The following LLGL2 variants were observed in gnomAD, a reference collection of about 807,000 sequenced individuals.
The protein encoded by LLGL2 is LLGL2, scribble cell polarity complex component.
A neutral mutation model predicts 123.2 loss-of-function variants in LLGL2; 81 were observed. The observed-to-expected ratio is 0.66, with a 90% confidence interval of 0.55 to 0.79. The LOEUF (loss-of-function observed/expected upper bound fraction) is 0.79, where lower values mean the gene tolerates loss of function less well. Among genes scored for constraint, LLGL2 ranks in the 30% least tolerant of loss-of-function variants. The pLI, the probability that LLGL2 is intolerant of heterozygous loss-of-function variation, is 0.00. For synonymous variants in LLGL2, 577 were observed against 594.1 expected, an observed-to-expected ratio of 0.97 and a Z score of 0.42; for missense variants, 1,273 against 1,414.6, an observed-to-expected ratio of 0.90 and a Z score of 1.61.
At chr17:75,554,867 C>T (rs370162566) in intron 2 of LLGL2, among the ~76,000 whole-genome samples, 33 of 143,322 alleles carry the variant, frequency 2.3e-4, no homozygotes, top group African/African-American at 7.5e-4. Context: ...CCAGCCTGGG[C>T]GACAGCGCAA....
At chr17:75,562,631 C>T (rs1201436188) in intron 6 of LLGL2, 8 of 231,098 alleles carry the variant, frequency 3.5e-5, no homozygotes, top group South Asian at 1.3e-4. Context: ...TGCAGTGGCA[C>T]GATCTCGGCT....
At position 75,564,628 on chromosome 17, in the gene LLGL2, C is replaced by A; in HGVS notation, c.1036+121C>A. 1 of 1,497,958 alleles carries A rather than the reference C, an allele frequency of 6.7e-7. No individual in the cohort carries two copies. The highest frequency in any genetic ancestry group is 1.4e-5 in the African/African-American group (1 of 72,508). 92.8% of individuals were successfully genotyped at this position (1,497,958 alleles called of 1,614,324 possible). A position where few individuals can be genotyped will look rare whatever the true frequency, so the allele number is the denominator to read the frequency against. ...CTGTAACCCCAGTGCTGTGGGAGGC[C>A]AAGGTGGTAGGATCGCTTGAACCCA... On this transcript the variant is annotated intron_variant, in intron 10 of 25. Transcript: ENST00000392550. The surrounding 1 kb of genome is among the most constrained non-coding windows in gnomAD (Gnocchi z 4.9).
chr17:75,531,658 C>T (rs1191547001), intron 1 of LLGL2, among the ~76,000 whole-genome samples: 3 of 152,218 alleles, frequency 2.0e-5, no homozygotes, highest in African/African-American at 4.8e-5. Context: ...GGGCAGGAGA[C>T]GGGCGTCCCC....
At chr17:75,554,270 C>T (rs111406685) in intron 2 of LLGL2, among the ~76,000 whole-genome samples, 2,420 of 147,634 alleles carry the variant, frequency 0.016, 65 homozygotes, top group African/African-American at 0.058. Flanking sequence ...CCATTGCACT[C>T]CAGGCTGGGT....
intron 17 of LLGL2, 46 bp from the exon 18 acceptor site, chr17:75,571,621 G>T (rs368384635): frequency 4.1e-6 from 6 of 1,447,822 alleles, no homozygotes; most frequent in Non-Finnish European, 5.8e-6. Flanking sequence ...AGCTCCACCC[G>T]ACTCCCACGC....
At chr17:75,533,034 C>G (rs893797140) in intron 1 of LLGL2, among the ~76,000 whole-genome samples, 3 of 152,104 alleles carry the variant, frequency 2.0e-5, no homozygotes, top group South Asian at 2.1e-4. Flanking sequence ...GAGTCTTGCT[C>G]TGTCGCCCAG....
In LLGL2 at chr17:75,558,654, C is replaced by T. The variant is rs765061795; in HGVS notation, c.371+27C>T. On this transcript the variant is annotated intron_variant, in intron 5 of 25. Coordinates refer to ENST00000392550, the MANE Select transcript of LLGL2 (RefSeq NM_001031803.2). The surrounding 1 kb of genome is among the most constrained non-coding windows in gnomAD (Gnocchi z 4.0). ...TAAGGGCTCAATCCCCAGCCCCTTC[C>T]ACTCCCAGCCCAGCCTGACCCTTGC... 3.7e-5 allele frequency: 56 copies of T among 1,528,392 alleles called. No homozygotes were observed. The highest frequency in any genetic ancestry group is 4.9e-5 in the Non-Finnish European group (55 of 1,121,994). The allele number at this position is 1,528,392 out of a possible 1,614,324, so 94.7% of individuals were successfully genotyped here. A position where few individuals can be genotyped will look rare whatever the true frequency, so the allele number is the denominator to read the frequency against.
At chr17:75,527,722 C>T (rs1012334387) in intron 1 of LLGL2, among the ~76,000 whole-genome samples, 6 of 151,920 alleles carry the variant, frequency 3.9e-5, no homozygotes, top group Non-Finnish European at 7.4e-5. Flanking sequence ...ACACTTCAGC[C>T]TCCCAAAGCG....
intron 17 of LLGL2, 59 bp from the exon 18 acceptor site, chr17:75,571,608 C>A: frequency 7.6e-7 from 1 of 1,324,290 alleles, no homozygotes; most frequent in South Asian, 1.2e-5. Context: ...ACCCTGGTTG[C>A]CCAGCTCCAC....
intron 14 of LLGL2, 40 bp from the exon 15 acceptor site, chr17:75,569,922 CT>C: frequency 6.5e-7 from 1 of 1,544,396 alleles, no homozygotes; most frequent in Non-Finnish European, 8.7e-7. Context: ...CCTGCCGTCC[CT>C]TTGCTGAGGG....
rs2055552077 is a variant in LLGL2, at chr17:75,568,670, C to T, written c.1231C>T (p.Gln411Ter). The T allele has an allele frequency of 1.9e-6, 3 of 1,613,802 alleles. No homozygotes were observed. The highest frequency in any genetic ancestry group is 1.7e-6 in the Non-Finnish European group (2 of 1,180,000). ...GCGGATCATTGCCGCCGGCAGCCGGCAGAACGCACACTTCTCCACCATGGT... is the reference window on the plus strand; with the variant it reads ...GCGGATCATTGCCGCCGGCAGCCGGTAGAACGCACACTTCTCCACCATGGT... ...WERIIAAGSR[Q>*]NAHFSTMEWP... The change falls in exon 11 of 26, where the codon CAG becomes TAG. Residue 411 changes from glutamine to a stop codon, truncating the protein, a stop_gained. Coordinates refer to ENST00000392550, the MANE Select transcript of LLGL2 (RefSeq NM_001031803.2). LOFTEE classifies it high-confidence loss of function.
intron 20 of LLGL2, 53 bp downstream of exon 20, chr17:75,573,331 G>A: frequency 6.4e-7 from 1 of 1,564,926 alleles, no homozygotes; most frequent in Non-Finnish European, 8.7e-7. Context: ...GCACGGACGG[G>A]AAGGGTGGCC....
chr17:75,550,430 C>A (rs979305576), intron 2 of LLGL2, among the ~76,000 whole-genome samples: 2 of 149,728 alleles, frequency 1.3e-5, no homozygotes, highest in African/African-American at 4.9e-5. Flanking sequence ...GGAAGCTAAG[C>A]CTTACAAGGC....
At chr17:75,526,487 G>GA in intron 1 of LLGL2, among the ~76,000 whole-genome samples, 1 of 152,352 alleles carries the variant, frequency 6.6e-6, no homozygotes, top group Middle Eastern at 3.4e-3. Context: ...TCTTGCCAAA[G>GA]AAAGTGTGTC....
rs766813617 is a variant in LLGL2, at chr17:75,571,892, C to T, written c.2294-6C>T. The T allele has an allele frequency of 1.1e-5, 18 of 1,611,606 alleles. No individual in the cohort carries two copies. Among genetic ancestry groups the T allele is most frequent in the Admixed American group, 6.7e-5 (4 of 59,990 alleles). On this transcript the variant is annotated splice_region_variant and splice_polypyrimidine_tract_variant and intron_variant, in intron 18 of 25. Coordinates refer to ENST00000392550, the MANE Select transcript of LLGL2 (RefSeq NM_001031803.2). ...ACCAGCCCCAACACCCACCTCCTCC[C>T]CCTAGCCAAGGAGATCCAGCTGATG...
upstream of LLGL2, among the ~76,000 whole-genome samples, chr17:75,525,372 C>T (rs1000159107): frequency 6.6e-6 from 1 of 152,096 alleles, no homozygotes; most frequent in East Asian, 1.9e-4. The surrounding 1 kb of genome is among the most constrained non-coding windows in gnomAD (Gnocchi z 4.8). Context: ...GACGGCTCCC[C>T]TGGAGTCTGG....
At chr17:75,553,749 A>G (rs1396760943) in intron 2 of LLGL2, among the ~76,000 whole-genome samples, 1 of 152,154 alleles carries the variant, frequency 6.6e-6, no homozygotes, top group Admixed American at 6.5e-5. Context: ...AAGAAACTGA[A>G]CTAAAAACCT....
In LLGL2 at chr17:75,564,331, G is replaced by A; in HGVS notation, c.882-22G>A. The A allele has an allele frequency of 6.3e-7, 1 of 1,589,928 alleles. No individual in the cohort carries two copies. The highest frequency in any genetic ancestry group is 1.1e-5 in the South Asian group (1 of 88,932). On this transcript the variant is annotated intron_variant, in intron 9 of 25. Coordinates refer to ENST00000392550, the MANE Select transcript of LLGL2 (RefSeq NM_001031803.2). This position sits in a 1 kb window ranked among gnomAD's most constrained non-coding sequence, Gnocchi z 4.9. ...GCTGTGCCAGGAGCCCCAGCCCACTGCCGCTCCTCTGTGCCTGCCAGGTTG... is the reference window on the plus strand; with the variant it reads ...GCTGTGCCAGGAGCCCCAGCCCACTACCGCTCCTCTGTGCCTGCCAGGTTG...
At position 75,569,951 on chromosome 17, in the gene LLGL2, C is replaced by A. The variant is rs772492157; in HGVS notation, c.1582-12C>A. The A allele has an allele frequency of 1.3e-6, 2 of 1,568,490 alleles. No individual in the cohort carries two copies. The highest frequency in any genetic ancestry group is 2.3e-5 in the South Asian group (2 of 85,396). ...GCTGAGGGCTTGCTGAGCCACCTGC[C>A]ACCCTGCGCAGGTGCTGGTACTGGA... On this transcript the variant is annotated splice_polypyrimidine_tract_variant and intron_variant, in intron 14 of 25. Coordinates refer to ENST00000392550, the MANE Select transcript of LLGL2 (RefSeq NM_001031803.2).
Sources: gnomAD v4.1 joint callset for allele counts (sites outside exome capture counted in the v4.1 genomes callset) on GRCh38, gnomAD v4.1.1 for gene constraint, Gnocchi (gnomAD v3.1) non-coding constraint, MANE v1.5 for transcripts, NCBI Gene and HGNC (gene_info 2026-07-23, HGNC 2026-07-21) for gene names.